ARSG: variants seen among roughly 807,000 people sequenced by gnomAD.
ARSG encodes ASG.
ARSG carries 37 observed loss-of-function variants against 50.5 expected under a neutral mutation model. That is an observed-to-expected ratio of 0.73 (90% CI 0.56 to 0.96). The LOEUF (loss-of-function observed/expected upper bound fraction) is 0.96, where lower values mean the gene tolerates loss of function less well. ARSG is among the 50% of genes least tolerant of loss of function. The probability of loss-of-function intolerance (pLI) is 0.00; values close to 1 mark genes in which losing one functional copy is unlikely to be tolerated. For missense variants in ARSG, 629 were observed against 675.3 expected (o/e 0.93, Z 0.76); for synonymous variants, 225 against 254.6 (o/e 0.88, Z 1.11).
the ARSG span, among the ~76,000 whole-genome samples, chr17:68,429,776 A>G: frequency 6.6e-6 from 1 of 152,048 alleles, no homozygotes; most frequent in Admixed American, 6.6e-5. Flanking sequence ...TTTAGTAGAG[A>G]CGGGATTTCA....
chr17:68,296,769 G>A (rs1427794504), intron 1 of ARSG, among the ~76,000 whole-genome samples: 1 of 152,222 alleles, frequency 6.6e-6, no homozygotes, highest in African/African-American at 2.4e-5. Flanking sequence ...CTCAGAGGAT[G>A]TGGTTCCTTC....
At chr17:68,389,564 G>T (rs915191916) in intron 9 of ARSG, among the ~76,000 whole-genome samples, 7 of 152,138 alleles carry the variant, frequency 4.6e-5, no homozygotes, top group Non-Finnish European at 1.0e-4. Flanking sequence ...TCAGTGCTAA[G>T]AAAGTACTGC....
At chr17:68,450,842 C>T in the ARSG span, 39 of 1,614,050 alleles carry the variant, frequency 2.4e-5, no homozygotes, top group African/African-American at 1.1e-4. Flanking sequence ...GACTGACTAC[C>T]ACCACCAGGC....
intron 6 of ARSG, among the ~76,000 whole-genome samples, chr17:68,358,614 G>C (rs544078613): frequency 1.3e-5 from 2 of 152,010 alleles, no homozygotes. Context: ...ACTTGAGCCC[G>C]GGAGGTGGAG....
At chr17:68,371,326 A>G (rs2079833607) in intron 8 of ARSG, among the ~76,000 whole-genome samples, 2 of 151,686 alleles carry the variant, frequency 1.3e-5, no homozygotes, top group Non-Finnish European at 2.9e-5. Context: ...CAAAAAAAAA[A>G]AAAAAAAAAA....
chr17:68,333,294 C>A (rs2077860462), intron 2 of ARSG, among the ~76,000 whole-genome samples: 1 of 151,994 alleles, frequency 6.6e-6, no homozygotes. Flanking sequence ...TGCACTCCAG[C>A]CTGGGCGACA....
At chr17:68,417,993 C>G (rs143592084) in intron 11 of ARSG, among the ~76,000 whole-genome samples, 2,561 of 151,924 alleles carry the variant, frequency 0.017, 80 homozygotes, top group African/African-American at 0.059. Flanking sequence ...ACCTCCCAAA[C>G]TGCTGGGATT....
chr17:68,292,132 C>T (rs1415321657), intron 1 of ARSG, among the ~76,000 whole-genome samples: 1 of 152,108 alleles, frequency 6.6e-6, no homozygotes. Flanking sequence ...CCTTGCTTCC[C>T]CCACTTTGCT....
At chr17:68,270,954 A>G (rs1420439078) in intron 1 of ARSG, 8 of 1,614,204 alleles carry the variant, frequency 5.0e-6, no homozygotes, top group Non-Finnish European at 6.8e-6. Context: ...GTGGAATGTG[A>G]GTCCCTCCTA....
intron 4 of ARSG, among the ~76,000 whole-genome samples, chr17:68,350,244 GGT>G (rs1282323583): frequency 6.6e-6 from 1 of 152,126 alleles, no homozygotes; most frequent in African/African-American, 2.4e-5. Context: ...TTTTAGGAAG[GGT>G]GCTTATAGAG....
intron 2 of ARSG, among the ~76,000 whole-genome samples, chr17:68,341,053 A>T (rs1004447026): frequency 6.6e-6 from 1 of 152,156 alleles, no homozygotes; most frequent in African/African-American, 2.4e-5. Flanking sequence ...CAAAATCCTG[A>T]ACCCAATATT....
intron 3 of ARSG, among the ~76,000 whole-genome samples, chr17:68,344,721 TG>T (rs1454027279): frequency 6.6e-6 from 1 of 152,238 alleles, no homozygotes; most frequent in Non-Finnish European, 1.5e-5. Flanking sequence ...CTCAGCTCCC[TG>T]TGTTTGTTAG....
chr17:68,262,804 T>TGAG (rs1300200271), intron 1 of ARSG, among the ~76,000 whole-genome samples: 1 of 152,106 alleles, frequency 6.6e-6, no homozygotes, highest in Non-Finnish European at 1.5e-5. Flanking sequence ...GGAGTGGGTT[T>TGAG]GAGGAGGATG....
intron 5 of ARSG, among the ~76,000 whole-genome samples, chr17:68,354,384 G>A: frequency 6.7e-6 from 1 of 149,302 alleles, no homozygotes; most frequent in South Asian, 2.1e-4. Flanking sequence ...CTGCACTTCA[G>A]CCTGGGTGAC....
the ARSG span, chr17:68,436,387 A>C: frequency 6.2e-7 from 1 of 1,613,702 alleles, no homozygotes; most frequent in African/African-American, 1.3e-5. Context: ...CTTACCAGGG[A>C]GTTTCCATCA....
At chr17:68,287,621 C>A (rs189369899), upstream of ARSG, among the ~76,000 whole-genome samples, 2 of 152,230 alleles carry the variant, frequency 1.3e-5, no homozygotes, top group Admixed American at 6.5e-5. Flanking sequence ...CAGAAGCTTT[C>A]TTTTCTTTTT....
intron 9 of ARSG, among the ~76,000 whole-genome samples, chr17:68,390,657 C>G (rs1172599759): frequency 3.3e-5 from 5 of 152,058 alleles, no homozygotes; most frequent in Non-Finnish European, 7.4e-5. Flanking sequence ...GAATTTCCCT[C>G]TTGTCACTCA....
chr17:68,360,232 C>T (rs1208632799), intron 6 of ARSG, among the ~76,000 whole-genome samples: 2 of 152,354 alleles, frequency 1.3e-5, no homozygotes, highest in South Asian at 2.1e-4. Flanking sequence ...GTCCTGTTGG[C>T]ATTTAACATC....
At chr17:68,329,702 G>T (rs1439877684) in intron 2 of ARSG, among the ~76,000 whole-genome samples, 1 of 152,216 alleles carries the variant, frequency 6.6e-6, no homozygotes, top group Non-Finnish European at 1.5e-5. Flanking sequence ...TTTCCAGCCA[G>T]GGACTAATCG....
Sources: allele counts gnomAD v4.1 joint callset (sites outside exome capture counted in the v4.1 genomes callset), GRCh38; gene constraint gnomAD v4.1.1; transcripts MANE v1.5; gene names NCBI Gene and HGNC (gene_info 2026-07-23, HGNC 2026-07-21).